Variants in GALNT13 observed in about 807,000 individuals in gnomAD.
GALNT13 encodes polypeptide N-acetylgalactosaminyltransferase 13, also known as UDP-GalNAc:polypeptide N-acetylgalactosaminyltransferase 13.
Under a neutral mutation model 64.2 loss-of-function variants are expected in GALNT13, and 28 were observed. The observed-to-expected ratio is 0.44, with a 90% CI of 0.32 to 0.60. The LOEUF is 0.60. Ranked by LOEUF, GALNT13 falls within the 20% of genes least tolerant of loss-of-function variation. GALNT13 has a pLI of 0.05. For missense variants in GALNT13, 577 were observed against 669.8 expected, an observed-to-expected ratio of 0.86 and a Z score of 1.53; for synonymous variants, 214 against 224.6, an observed-to-expected ratio of 0.95 and a Z score of 0.42.
chr2:153,944,180 C>T (rs1691545516), intron 2 of GALNT13, among the ~76,000 whole-genome samples: 1 of 152,062 alleles, frequency 6.6e-6, no homozygotes, highest in Admixed American at 6.6e-5. Flanking sequence ...AAGGGCCTGG[C>T]AGAGTAGTGG....
intron 3 of GALNT13, among the ~76,000 whole-genome samples, chr2:154,099,783 T>G (rs2105460296): frequency 6.6e-6 from 1 of 152,122 alleles, no homozygotes; most frequent in African/African-American, 2.4e-5. Flanking sequence ...ACAAAAAATT[T>G]TAAGAAATTA....
the GALNT13 span, among the ~76,000 whole-genome samples, chr2:153,415,149 A>G: frequency 6.6e-6 from 1 of 152,226 alleles, no homozygotes; most frequent in African/African-American, 2.4e-5. Context: ...AAGACGTCAG[A>G]AAGACTGCTG....
At chr2:153,691,485 T>A in the GALNT13 span, among the ~76,000 whole-genome samples, 14 of 152,152 alleles carry the variant, frequency 9.2e-5, no homozygotes, top group African/African-American at 3.1e-4. Context: ...AGTGTCAGAA[T>A]ATATTTTGAT....
At chr2:153,190,064 T>C in the GALNT13 span, among the ~76,000 whole-genome samples, 3 of 152,290 alleles carry the variant, frequency 2.0e-5, no homozygotes, top group African/African-American at 7.2e-5. Context: ...TTGTTGATTA[T>C]TTCTTTTGCT....
chr2:153,371,470 C>G, the GALNT13 span, among the ~76,000 whole-genome samples: 1 of 152,044 alleles, frequency 6.6e-6, no homozygotes, highest in South Asian at 2.1e-4. Context: ...AAGAGTTTAT[C>G]CAGGTTGTAA....
chr2:153,388,581 A>C, the GALNT13 span, among the ~76,000 whole-genome samples: 4 of 152,118 alleles, frequency 2.6e-5, no homozygotes, highest in African/African-American at 9.7e-5. Flanking sequence ...ACTAAAAAGG[A>C]TTAACCATGA....
rs16835493 is a variant in GALNT13 at position 153,974,710 on chromosome 2, A to G, written c.142+30071A>G. 5.1e-4 allele frequency among the ~76,000 whole-genome samples: 78 copies of G among 152,200 alleles called. No homozygotes were observed. In the East Asian group the frequency reaches 0.014, roughly 26 times the overall value. On this transcript the variant is annotated intron_variant, in intron 3 of 12. Transcript: ENST00000392825. ...AGGATGGAAATCAGTCTAAGCATAA[A>G]TGAGATATTCTTCCTGCCTTGATTT...
At chr2:153,783,442 T>A in the GALNT13 span, among the ~76,000 whole-genome samples, 9 of 152,308 alleles carry the variant, frequency 5.9e-5, no homozygotes, top group African/African-American at 2.2e-4. Flanking sequence ...CAGATGAGAA[T>A]GTATACCAGA....
chr2:153,543,284 G>A, the GALNT13 span, among the ~76,000 whole-genome samples: 1 of 152,146 alleles, frequency 6.6e-6, no homozygotes, highest in Non-Finnish European at 1.5e-5. Flanking sequence ...AGAAGCTGAA[G>A]GAAGACAATA....
intron 9 of GALNT13, among the ~76,000 whole-genome samples, chr2:154,389,676 A>C (rs1367187026): frequency 2.0e-5 from 3 of 152,210 alleles, no homozygotes; most frequent in Non-Finnish European, 2.9e-5. Flanking sequence ...CTTGCCTCAC[A>C]GAAGTCCAAT....
At chr2:154,085,547 A>T (rs1701480647) in intron 3 of GALNT13, among the ~76,000 whole-genome samples, 1 of 152,128 alleles carries the variant, frequency 6.6e-6, no homozygotes, top group East Asian at 1.9e-4. Context: ...GTTCTTAAAA[A>T]CTTTGGAACT....
At chr2:153,184,677 A>C in the GALNT13 span, among the ~76,000 whole-genome samples, 1 of 152,094 alleles carries the variant, frequency 6.6e-6, no homozygotes, top group Non-Finnish European at 1.5e-5. Flanking sequence ...TTTAACATGA[A>C]GGGATGTTGA....
the GALNT13 span, among the ~76,000 whole-genome samples, chr2:153,435,694 C>T: frequency 6.6e-6 from 1 of 152,074 alleles, no homozygotes; most frequent in Non-Finnish European, 1.5e-5. Flanking sequence ...CCTGAGACTG[C>T]TGAAGTTGCT....
At chr2:154,164,997 G>A (rs934292077) in intron 4 of GALNT13, among the ~76,000 whole-genome samples, 72 of 152,090 alleles carry the variant, frequency 4.7e-4, no homozygotes, top group Non-Finnish European at 1.5e-5. Flanking sequence ...AATACGTTAA[G>A]AAACACACTG....
the GALNT13 span, among the ~76,000 whole-genome samples, chr2:153,613,610 A>G: frequency 6.6e-6 from 1 of 152,296 alleles, no homozygotes; most frequent in East Asian, 1.9e-4. Flanking sequence ...ATAAAATATC[A>G]ATATTTTAGA....
chr2:153,755,288 C>G, the GALNT13 span, among the ~76,000 whole-genome samples: 3 of 152,042 alleles, frequency 2.0e-5, no homozygotes, highest in Non-Finnish European at 4.4e-5. Flanking sequence ...CCATCTTGAT[C>G]CATCCCTCTC....
At chr2:153,254,978 A>G in the GALNT13 span, among the ~76,000 whole-genome samples, 11 of 151,926 alleles carry the variant, frequency 7.2e-5, no homozygotes, top group African/African-American at 2.7e-4. Context: ...GTAGATGTCT[A>G]TTAGGTCCAC....
chr2:153,698,367 A>G, the GALNT13 span, among the ~76,000 whole-genome samples: 1 of 152,222 alleles, frequency 6.6e-6, no homozygotes, highest in African/African-American at 2.4e-5. Context: ...GTGCAAAGAC[A>G]TACATAGGCT....
intron 2 of GALNT13, among the ~76,000 whole-genome samples, chr2:153,935,909 A>G (rs373293736): frequency 6.6e-6 from 1 of 152,172 alleles, no homozygotes; most frequent in Non-Finnish European, 1.5e-5. Flanking sequence ...TGTGTGCCCT[A>G]TTTCAGTATA....
Sources: gnomAD v4.1 joint callset for allele counts (sites outside exome capture counted in the v4.1 genomes callset) on GRCh38, gnomAD v4.1.1 for gene constraint, MANE v1.5 for transcripts, NCBI Gene and HGNC (gene_info 2026-07-23, HGNC 2026-07-21) for gene names.